Variants in PANX1 observed in about 807,000 individuals in gnomAD.
PANX1 encodes pannexin 1.
A neutral mutation model predicts 38.7 loss-of-function variants in PANX1; 30 were observed. The observed-to-expected ratio is 0.78, with a 90% CI of 0.58 to 1.05. The LOEUF is 1.05. Ranked by LOEUF, PANX1 falls within the 50% of genes least tolerant of loss-of-function variation. The pLI is 0.00. For synonymous variants in PANX1, 230 were observed against 212.2 expected (o/e 1.08, Z -0.73); for missense variants, 551 against 517.2 (o/e 1.07, Z -0.63).
intron 2 of PANX1, among the ~76,000 whole-genome samples, chr11:94,177,864 A>G (rs554479970): frequency 4.6e-5 from 7 of 152,086 alleles, no homozygotes; most frequent in South Asian, 2.1e-4. Context: ...TATTGGGATG[A>G]TTACTGAATC....
At chr11:94,141,847 T>A (rs1194131470) in intron 1 of PANX1, among the ~76,000 whole-genome samples, 1 of 152,178 alleles carries the variant, frequency 6.6e-6, no homozygotes, top group African/African-American at 2.4e-5. Flanking sequence ...AATTCTCACC[T>A]GTGTCACAGG....
chr11:94,137,983 C>T (rs545721946), intron 1 of PANX1, among the ~76,000 whole-genome samples: 2 of 150,868 alleles, frequency 1.3e-5, no homozygotes, highest in East Asian at 1.9e-4. Flanking sequence ...TTAACTGTTT[C>T]ACAAGTTTTG....
rs76584033 is a variant in PANX1, at chr11:94,166,415, A to G, written c.322-11954A>G. Among the ~76,000 whole-genome samples, 768 of 152,286 alleles carry G rather than the reference A, an allele frequency of 5.0e-3. 9 individuals carry two copies. The highest frequency in any genetic ancestry group is 0.018 in the African/African-American group (730 of 41,566). ...ATTTCACCTTTATGTTTGAAGGATA[A>G]CTTTGCTGGTGATGATATTCTAGGT... On this transcript the variant is annotated intron_variant, in intron 2 of 4. Transcript: ENST00000227638.
chr11:94,136,353 A>G (rs1448658821), intron 1 of PANX1, among the ~76,000 whole-genome samples: 1 of 152,236 alleles, frequency 6.6e-6, no homozygotes, highest in African/African-American at 2.4e-5. Flanking sequence ...GTAGAACTTC[A>G]TGATACATGT....
In PANX1 at chr11:94,131,764, A is replaced by G. The variant is rs117493040; in HGVS notation, c.181+2271A>G. Among the ~76,000 whole-genome samples the G allele has an allele frequency of 4.9e-3, 746 of 152,366 alleles. 3 individuals carry two copies. The highest frequency in any genetic ancestry group is 0.01 in the Admixed American group (160 of 15,312). The stretch of plus-strand genomic sequence containing the variant: ...GCTTTTGAGAAGAGGGGAGAGGTAC[A>G]TAGATTAATACATGGAGTTGGTACA... On this transcript the variant is annotated intron_variant, in intron 1 of 4. Transcript: ENST00000227638.
In PANX1 at chr11:94,129,405, G is replaced by C. The variant is rs1441310581; in HGVS notation, c.93G>C (p.Glu31Asp). The C allele has an allele frequency of 6.2e-7, 1 of 1,614,128 alleles. No homozygotes were observed. The highest frequency in any genetic ancestry group is 8.5e-7 in the Non-Finnish European group (1 of 1,180,000). The change falls in exon 1 of 5, where the codon GAG becomes GAC. Residue 31 changes from glutamate to aspartate, a missense_variant. Physicochemically the swap from Glu to Asp is conservative, Grantham distance 45. Coordinates refer to ENST00000227638, the MANE Select transcript of PANX1 (RefSeq NM_015368.4). ...TEPKFKGLRL[E>D]LAVDKMVTCI... ...CCAAGTTCAAGGGGCTGCGACTGGAGCTGGCTGTGGACAAGATGGTCACGT... is the reference window on the plus strand; with the variant it reads ...CCAAGTTCAAGGGGCTGCGACTGGACCTGGCTGTGGACAAGATGGTCACGT...
intron 2 of PANX1, among the ~76,000 whole-genome samples, chr11:94,171,865 G>A (rs1004302731): frequency 1.3e-5 from 2 of 149,550 alleles, no homozygotes; most frequent in African/African-American, 2.5e-5. Flanking sequence ...GGGGGTGGGG[G>A]GCACCCAGTA....
chr11:94,177,861 A>G (rs75708898), intron 2 of PANX1, among the ~76,000 whole-genome samples: 2,952 of 152,064 alleles, frequency 0.019, 97 homozygotes, highest in Non-Finnish European at 0.027. Context: ...TCTTATTGGG[A>G]TGATTACTGA....
intron 1 of PANX1, among the ~76,000 whole-genome samples, chr11:94,147,023 A>G (rs532631996): frequency 6.6e-6 from 1 of 152,324 alleles, no homozygotes; most frequent in South Asian, 2.1e-4. Flanking sequence ...AGTAAAGGAT[A>G]TATTATATAT....
At chr11:94,146,046 A>G (rs1946825777) in intron 1 of PANX1, among the ~76,000 whole-genome samples, 1 of 152,216 alleles carries the variant, frequency 6.6e-6, no homozygotes, top group South Asian at 2.1e-4. Context: ...ACCAAAAGGA[A>G]CCCAGAGCTC....
At chr11:94,144,234 T>A (rs991230281) in intron 1 of PANX1, among the ~76,000 whole-genome samples, 1 of 151,896 alleles carries the variant, frequency 6.6e-6, no homozygotes, top group Non-Finnish European at 1.5e-5. Context: ...CCCTCCCCCA[T>A]TTTTTTTCCA....
At chr11:94,147,947 T>C (rs1236148253) in intron 1 of PANX1, among the ~76,000 whole-genome samples, 1 of 152,164 alleles carries the variant, frequency 6.6e-6, no homozygotes, top group Non-Finnish European at 1.5e-5. Flanking sequence ...AAAGGAAACA[T>C]TTGATGATGC....
intron 1 of PANX1, among the ~76,000 whole-genome samples, chr11:94,132,076 C>T (rs1946636642): frequency 6.6e-6 from 1 of 152,180 alleles, no homozygotes; most frequent in Non-Finnish European, 1.5e-5. Context: ...AGCTTTATAA[C>T]CTGTCTATGC....
chr11:94,178,168 G>GA (rs199551373), intron 2 of PANX1, among the ~76,000 whole-genome samples: 3,988 of 150,572 alleles, frequency 0.026, 65 homozygotes, highest in African/African-American at 0.035. Context: ...ACCTATGGAA[G>GA]AAAAAAAAAT....
intron 2 of PANX1, among the ~76,000 whole-genome samples, chr11:94,157,343 A>G (rs577774527): frequency 1.3e-5 from 2 of 152,326 alleles, no homozygotes; most frequent in South Asian, 4.1e-4. Flanking sequence ...ACTAGTTTAC[A>G]GTCCCACCAA....
chr11:94,177,234 G>A (rs1410147641), intron 2 of PANX1, among the ~76,000 whole-genome samples: 1 of 150,936 alleles, frequency 6.6e-6, no homozygotes, highest in African/African-American at 2.5e-5. Flanking sequence ...GGAGAGAATA[G>A]AGGCAGGGAG....
At chr11:94,154,809 A>C (rs897190547) in intron 2 of PANX1, among the ~76,000 whole-genome samples, 1 of 152,364 alleles carries the variant, frequency 6.6e-6, no homozygotes, top group Middle Eastern at 3.4e-3. Flanking sequence ...GTCAATTAAC[A>C]CATATTTTAT....
chr11:94,160,459 G>C (rs1947012941), intron 2 of PANX1, among the ~76,000 whole-genome samples: 1 of 152,136 alleles, frequency 6.6e-6, no homozygotes, highest in Non-Finnish European at 1.5e-5. Context: ...TTGTTGAATT[G>C]ATCCCTTTCA....
At chr11:94,152,270 G>GT (rs1331476778) in intron 1 of PANX1, among the ~76,000 whole-genome samples, 3 of 152,048 alleles carry the variant, frequency 2.0e-5, no homozygotes, top group Admixed American at 2.0e-4. Context: ...TTTGTTTTTT[G>GT]TTTTTTGTGT....
Sources: gnomAD v4.1 joint callset for allele counts (sites outside exome capture counted in the v4.1 genomes callset) on GRCh38, gnomAD v4.1.1 for gene constraint, MANE v1.5 for transcripts, NCBI Gene and HGNC (gene_info 2026-07-23, HGNC 2026-07-21) for gene names.